FAR2: variants seen among roughly 807,000 people sequenced by gnomAD.
FAR2 encodes fatty acyl-CoA reductase 2, also known as epididymis secretory protein Li 81.
In FAR2, 19 loss-of-function variants were observed where a neutral mutation model predicts 56.0. The observed-to-expected ratio is 0.34, with a 90% CI of 0.24 to 0.50. FAR2 has a LOEUF of 0.50. Ranked by LOEUF, FAR2 falls within the 20% of genes least tolerant of loss-of-function variation. The pLI is 0.98. For missense variants in FAR2, 508 were observed against 642.2 expected (o/e 0.79, Z 2.26); for synonymous variants, 219 against 218.8 (o/e 1.00, Z -0.01).
chr12:29,282,142 T>A (rs915462531), intron 2 of FAR2: 1 of 152,012 alleles, frequency 6.6e-6, no homozygotes, highest in African/African-American at 2.4e-5. Flanking sequence ...CCAAATAAAG[T>A]ATAAAATGAG....
At chr12:29,153,999 A>C (rs1247700591) in intron 1 of FAR2, among the ~76,000 whole-genome samples, 2 of 152,246 alleles carry the variant, frequency 1.3e-5, no homozygotes, top group East Asian at 3.9e-4. Context: ...GGGTGAGAGA[A>C]AGGAGGGAGG....
At chr12:29,232,708 T>C (rs994198671) in intron 1 of FAR2, among the ~76,000 whole-genome samples, 10 of 152,048 alleles carry the variant, frequency 6.6e-5, no homozygotes, top group South Asian at 2.1e-4. Context: ...TATTTCTCTG[T>C]ATAGTCTTTC....
rs185131781 is a variant in FAR2, at chr12:29,280,221, G to A, written c.189+9583G>A. Among the ~76,000 whole-genome samples the A allele has an allele frequency of 9.9e-5, 15 of 152,208 alleles. No individual in the cohort carries two copies. The East Asian group carries it at 1.9e-3, about 20-fold the overall frequency. On this transcript the variant is annotated intron_variant, in intron 2 of 11. Coordinates refer to ENST00000536681, the MANE Select transcript of FAR2 (RefSeq NM_001271783.2). ...ATTACAGGCATGAGCCACTACTCCC[G>A]GCTAAATGTTAGTTTTTTATCAGTA...
At chr12:29,259,788 G>A (rs1007689490) in intron 1 of FAR2, among the ~76,000 whole-genome samples, 2 of 152,092 alleles carry the variant, frequency 1.3e-5, no homozygotes, top group African/African-American at 2.4e-5. Flanking sequence ...GTAAAAATAC[G>A]CAGACTCACT....
At chr12:29,323,242 C>T (rs377151232) in intron 10 of FAR2, among the ~76,000 whole-genome samples, 14 of 152,312 alleles carry the variant, frequency 9.2e-5, no homozygotes, top group Admixed American at 5.2e-4. Flanking sequence ...GTAAACAAAG[C>T]GGCCTGGAAG....
intron 2 of FAR2, among the ~76,000 whole-genome samples, chr12:29,281,712 G>A (rs1328234320): frequency 1.3e-5 from 2 of 148,798 alleles, no homozygotes; most frequent in Non-Finnish European, 3.0e-5. Flanking sequence ...GTGAAAGAAA[G>A]AAGGTGTATA....
At chr12:29,210,157 G>GATC (rs1474448571) in intron 1 of FAR2, among the ~76,000 whole-genome samples, 2 of 152,128 alleles carry the variant, frequency 1.3e-5, no homozygotes, top group Non-Finnish European at 2.9e-5. Flanking sequence ...ACAGAGCTAG[G>GATC]ATCATGCCAC....
At chr12:29,214,370 A>G (rs1947594054) in intron 1 of FAR2, among the ~76,000 whole-genome samples, 1 of 152,256 alleles carries the variant, frequency 6.6e-6, no homozygotes. Flanking sequence ...GTTGCCTATC[A>G]TGTGCCAGAA....
rs1419800150 is a variant in FAR2 at position 29,270,460 on chromosome 12, T to A, written c.11T>A (p.Ile4Asn). 2 of 1,582,646 alleles carry A rather than the reference T, an allele frequency of 1.3e-6. No homozygotes were observed. Among genetic ancestry groups the A allele is most frequent in the African/African-American group, 2.7e-5 (2 of 74,016 alleles). ...AGAAAGGGAGGAATCATGTCCACAA[T>A]TGCAGCTTTCTATGGCGGCAAGTCC... MST[I>N]AAFYGGKSIL... Residue 4 changes from isoleucine to asparagine, a missense_variant, in exon 2 of 12, where the codon ATT (isoleucine) becomes AAT (asparagine). Physicochemically the swap from Ile to Asn is moderately radical, Grantham distance 149. Coordinates refer to ENST00000536681, the MANE Select transcript of FAR2 (RefSeq NM_001271783.2).
chr12:29,281,163 C>G (rs548386068), intron 2 of FAR2: 1 of 152,210 alleles, frequency 6.6e-6, no homozygotes, highest in African/African-American at 2.4e-5. Flanking sequence ...TTTCTGCCTC[C>G]CAATGTTGAG....
At chr12:29,158,029 T>C (rs1949746116) in intron 1 of FAR2, among the ~76,000 whole-genome samples, 1 of 152,234 alleles carries the variant, frequency 6.6e-6, no homozygotes, top group African/African-American at 2.4e-5. Flanking sequence ...AACATAGTTT[T>C]AGCATCTTAA....
chr12:29,322,406 C>T (rs1174224935), intron 10 of FAR2, among the ~76,000 whole-genome samples: 1 of 152,218 alleles, frequency 6.6e-6, no homozygotes, highest in Non-Finnish European at 1.5e-5. Context: ...ATCCCTACAC[C>T]TATGCACTCT....
At chr12:29,196,169 G>A (rs1030545041) in intron 1 of FAR2, among the ~76,000 whole-genome samples, 1 of 152,070 alleles carries the variant, frequency 6.6e-6, no homozygotes, top group Non-Finnish European at 1.5e-5. Context: ...ACAAGTGCAG[G>A]TGCCTTTTTT....
intron 2 of FAR2, chr12:29,280,431 T>TA (rs1483855913): frequency 6.6e-6 from 1 of 152,226 alleles, no homozygotes; most frequent in Non-Finnish European, 1.5e-5. Flanking sequence ...TTACAACATT[T>TA]AATTTGAAAA....
intron 4 of FAR2, among the ~76,000 whole-genome samples, chr12:29,297,770 G>T (rs564402507): frequency 1.3e-5 from 2 of 152,198 alleles, no homozygotes; most frequent in Admixed American, 1.3e-4. Context: ...TAGAGGCTGG[G>T]GGTGGTGGCT....
chr12:29,311,903 A>T lies in FAR2; in HGVS notation c.908A>T (p.Tyr303Phe). 2 of 1,610,802 alleles carry T rather than the reference A, an allele frequency of 1.2e-6. No individual in the cohort carries two copies. The highest frequency in any genetic ancestry group is 1.7e-6 in the Non-Finnish European group (2 of 1,178,298). The stretch of plus-strand genomic sequence containing the variant: ...TCCAGACCTAAGTCAACATTAGTCT[A>T]CCACATTACATCTGGTAACATGAAT... ...AVHRPKSTLV[Y>F]HITSGNMNPC... The change falls in exon 8 of 12, where the codon TAC becomes TTC. Residue 303 changes from tyrosine to phenylalanine, a missense_variant. Physicochemically the swap from Tyr to Phe is conservative, Grantham distance 22. Coordinates refer to ENST00000536681, the MANE Select transcript of FAR2 (RefSeq NM_001271783.2).
At chr12:29,311,005 T>G (rs765083963) in intron 6 of FAR2, 23 bp from the exon 7 acceptor site, 1 of 1,560,646 alleles carries the variant, frequency 6.4e-7, no homozygotes, top group East Asian at 2.2e-5. Flanking sequence ...GGTTTAATAT[T>G]TTATGTTCTT....
At chr12:29,154,269 A>G (rs554934297) in intron 1 of FAR2, among the ~76,000 whole-genome samples, 9 of 152,078 alleles carry the variant, frequency 5.9e-5, no homozygotes, top group South Asian at 2.1e-4. Flanking sequence ...TGCCTTGTCT[A>G]TAGCAGTTTT....
chr12:29,276,063 A>G (rs1948701429), intron 2 of FAR2, among the ~76,000 whole-genome samples: 1 of 152,158 alleles, frequency 6.6e-6, no homozygotes, highest in African/African-American at 2.4e-5. Flanking sequence ...CTGGGTGTGA[A>G]TCTCCATACG....
Sources: allele counts gnomAD v4.1 joint callset (sites outside exome capture counted in the v4.1 genomes callset), GRCh38; gene constraint gnomAD v4.1.1; transcripts MANE v1.5; gene names NCBI Gene and HGNC (gene_info 2026-07-23, HGNC 2026-07-21).